Variants in MSH3 observed in about 807,000 individuals in gnomAD.
MSH3 encodes DNA mismatch repair protein Msh3.
A neutral mutation model predicts 123.3 loss-of-function variants in MSH3; 106 were observed. The observed-to-expected ratio is 0.86, with a 90% CI of 0.73 to 1.01. MSH3 has a LOEUF of 1.01. MSH3 is among the 50% of genes least tolerant of loss of function. MSH3 has a pLI of 0.00. For synonymous variants in MSH3, 515 were observed against 481.4 expected (o/e 1.07, Z -0.91); for missense variants, 1,459 against 1,347.6 (o/e 1.08, Z -1.29).
intron 17 of MSH3, among the ~76,000 whole-genome samples, chr5:80,780,081 A>G (rs530699607): frequency 3.3e-5 from 5 of 152,296 alleles, no homozygotes; most frequent in African/African-American, 1.2e-4. Context: ...CATTGTCTCA[A>G]AGAATGCCTT....
At chr5:80,763,331 A>G (rs1744074123) in intron 13 of MSH3, among the ~76,000 whole-genome samples, 1 of 152,364 alleles carries the variant, frequency 6.6e-6, no homozygotes, top group South Asian at 2.1e-4. Flanking sequence ...TGCACAAGCC[A>G]GAACTGGAAA....
At chr5:80,669,266 A>T (rs1415512141) in intron 3 of MSH3, among the ~76,000 whole-genome samples, 3 of 148,284 alleles carry the variant, frequency 2.0e-5, no homozygotes, top group East Asian at 2.0e-4. Flanking sequence ...CTTCTCTCTC[A>T]CTCTCCCCTC....
chr5:80,777,701 T>A lies in MSH3; in HGVS notation c.2319-1019T>A, dbSNP rs981211701. 2.6e-5 allele frequency among the ~76,000 whole-genome samples: 4 copies of A among 152,172 alleles called. No homozygotes were observed. The South Asian group carries it at 6.2e-4, about 24-fold the overall frequency. On this transcript the variant is annotated intron_variant, in intron 16 of 23. Coordinates refer to ENST00000265081, the MANE Select transcript of MSH3 (RefSeq NM_002439.5). ...GTTTTGACAGAGATGAGTTAGAACA[T>A]CAGGAGTCAGATTTTGAATGCAAAA... is the stretch of plus-strand genomic sequence containing the variant.
At chr5:80,782,556 T>G (rs1034658561) in intron 17 of MSH3, among the ~76,000 whole-genome samples, 1 of 152,182 alleles carries the variant, frequency 6.6e-6, no homozygotes, top group African/African-American at 2.4e-5. Context: ...CAGGGGGTCC[T>G]AGAACCAATC....
chr5:80,729,438 G>T (rs10037455), intron 10 of MSH3, among the ~76,000 whole-genome samples: 25,651 of 124,006 alleles, frequency 0.21, 3,487 homozygotes, highest in Middle Eastern at 0.27. Flanking sequence ...AAATGTGTGT[G>T]TGTGTGTGTG....
chr5:80,713,378 T>G (rs1750894633), intron 8 of MSH3, among the ~76,000 whole-genome samples: 2 of 152,076 alleles, frequency 1.3e-5, no homozygotes, highest in Admixed American at 6.5e-5. Flanking sequence ...GGATTTCTTT[T>G]TTTTAAAATT....
intron 21 of MSH3, among the ~76,000 whole-genome samples, chr5:80,859,119 C>A (rs1333448999): frequency 1.3e-5 from 2 of 151,776 alleles, no homozygotes; most frequent in Admixed American, 1.3e-4. Context: ...GTATCTTCCT[C>A]CATATATATA....
chr5:80,823,344 T>C (rs1745234055), intron 20 of MSH3, among the ~76,000 whole-genome samples: 1 of 152,220 alleles, frequency 6.6e-6, no homozygotes, highest in Non-Finnish European at 1.5e-5. Context: ...AATGCTTACA[T>C]GGTCACTGTC....
Position 80,654,937 on chromosome 5 carries a change from C to G in MSH3, c.210C>G (p.Ala70=), listed in dbSNP as rs753160687. The change falls in exon 1 of 24, where the codon GCC becomes GCG. Residue 70 remains alanine (A), a synonymous_variant. Transcript: ENST00000265081. The part of the protein sequence containing the change: ...AAAPPAPPAP[A]FPPQLPPHIA... ...CGCCCCCAGCGCCCCCAGCTCCCGC[C>G]TTCCCGCCCCAGCTGCCGCCGCACA... 6 of 1,467,284 alleles carry G rather than the reference C, an allele frequency of 4.1e-6. No homozygotes were observed. In the East Asian group the frequency reaches 1.6e-4, roughly 40 times the overall value. 90.9% of individuals were successfully genotyped at this position (1,467,284 alleles called of 1,614,324 possible). A position where few individuals can be genotyped will look rare whatever the true frequency, so the allele number is the denominator to read the frequency against.
rs1580546672 is a variant in MSH3, at chr5:80,665,255, G to A, written c.471G>A (p.Gln157=). The A allele has an allele frequency of 1.2e-6, 2 of 1,613,926 alleles. No individual in the cohort carries two copies. Among genetic ancestry groups the A allele is most frequent in the Non-Finnish European group, 1.7e-6 (2 of 1,179,990 alleles). The part of the protein sequence containing the change: ...PQSRVQTESL[Q]ERFAVLPKCT... ...GTAGAGTCCAGACAGAATCTCTGCA[G>A]GAGAGATTTGCAGTTCTGCCAAAAT... is the stretch of plus-strand genomic sequence containing the variant. Residue 157 remains glutamine (Q), a synonymous_variant, in exon 3 of 24, where the codon CAG becomes CAA. Coordinates refer to ENST00000265081, the MANE Select transcript of MSH3 (RefSeq NM_002439.5).
chr5:80,875,348 C>G (rs747237953), intron 23 of MSH3, among the ~76,000 whole-genome samples: 2 of 151,988 alleles, frequency 1.3e-5, no homozygotes, highest in East Asian at 3.9e-4. Context: ...GTTATGCTGG[C>G]GTTTTACTCT....
At chr5:80,841,517 A>G (rs1745625103) in intron 20 of MSH3, among the ~76,000 whole-genome samples, 3 of 152,224 alleles carry the variant, frequency 2.0e-5, no homozygotes, top group African/African-American at 7.2e-5. Flanking sequence ...TTACACTCCC[A>G]CCAACAGTGT....
intron 16 of MSH3, 21 bp downstream of exon 16, chr5:80,775,779 T>C (rs1377175033): frequency 1.5e-6 from 2 of 1,360,686 alleles, no homozygotes; most frequent in Admixed American, 3.4e-5. Flanking sequence ...AATAAATTTT[T>C]TTCTTACAAT....
At chr5:80,767,889 T>G in intron 13 of MSH3, 44 bp from the exon 14 acceptor site, 1 of 1,454,142 alleles carries the variant, frequency 6.9e-7, no homozygotes, top group Middle Eastern at 1.8e-4. Context: ...AACTTCATTT[T>G]CATGTATCTT....
chr5:80,743,056 C>T (rs1047065220), intron 11 of MSH3, among the ~76,000 whole-genome samples: 1 of 152,088 alleles, frequency 6.6e-6, no homozygotes, highest in Admixed American at 6.5e-5. Flanking sequence ...ACTTCACCCC[C>T]ACCGCCCCTC....
At chr5:80,748,082 A>G (rs1364063726) in intron 12 of MSH3, among the ~76,000 whole-genome samples, 2 of 152,198 alleles carry the variant, frequency 1.3e-5, no homozygotes, top group Admixed American at 1.3e-4. Flanking sequence ...GTTTTCTTCT[A>G]CAGTGAGATC....
At chr5:80,827,537 C>T (rs1387836725) in intron 20 of MSH3, among the ~76,000 whole-genome samples, 3 of 151,192 alleles carry the variant, frequency 2.0e-5, no homozygotes, top group Admixed American at 6.6e-5. Flanking sequence ...TTGAATCAGT[C>T]CACACCTTCT....
At chr5:80,692,401 TAG>T (rs1446354957) in intron 8 of MSH3, among the ~76,000 whole-genome samples, 1 of 34,172 alleles carries the variant, frequency 2.9e-5, no homozygotes, top group Admixed American at 3.5e-4. Context: ...TGTATATGTT[TAG>T]ATAGATAAAC....
intron 20 of MSH3, among the ~76,000 whole-genome samples, chr5:80,840,644 G>C (rs1745604397): frequency 6.6e-6 from 1 of 152,062 alleles, no homozygotes. Flanking sequence ...TGTGCACAAC[G>C]TACAGGTTTG....
Sources: allele counts gnomAD v4.1 joint callset (sites outside exome capture counted in the v4.1 genomes callset), GRCh38; gene constraint gnomAD v4.1.1; transcripts MANE v1.5; gene names NCBI Gene and HGNC (gene_info 2026-07-23, HGNC 2026-07-21).